Variants in CCSER1 observed in about 807,000 individuals in gnomAD.
CCSER1 encodes the protein serine-rich coiled-coil domain-containing protein 1.
Under a neutral mutation model 82.0 loss-of-function variants are expected in CCSER1, and 41 were observed. The observed-to-expected ratio is 0.50, with a 90% confidence interval of 0.39 to 0.65. The LOEUF (loss-of-function observed/expected upper bound fraction) is 0.65. CCSER1 is among the 30% of genes least tolerant of loss of function. The pLI is 0.00. For missense variants in CCSER1, 1,119 were observed against 1,064.2 expected (o/e 1.05, Z -0.72); for synonymous variants, 414 against 383.9 (o/e 1.08, Z -0.92).
chr4:91,585,373 CA>C (rs1485872693), intron 10 of CCSER1, among the ~76,000 whole-genome samples: 1 of 151,352 alleles, frequency 6.6e-6, no homozygotes, highest in East Asian at 1.9e-4. Context: ...TCATCTTCAA[CA>C]AATGTTTGTC....
At chr4:91,194,028 G>A (rs1308941544) in intron 10 of CCSER1, among the ~76,000 whole-genome samples, 3 of 152,112 alleles carry the variant, frequency 2.0e-5, no homozygotes, top group Non-Finnish European at 4.4e-5. Flanking sequence ...GGAGTACAGT[G>A]GCATGATCTC....
intron 10 of CCSER1, among the ~76,000 whole-genome samples, chr4:91,401,482 T>C (rs925070918): frequency 6.6e-6 from 1 of 151,886 alleles, no homozygotes; most frequent in African/African-American, 2.4e-5. Flanking sequence ...ATGTGCCATG[T>C]TGGTGTGCTG....
At chr4:90,593,163 A>T (rs573570106) in intron 5 of CCSER1, among the ~76,000 whole-genome samples, 2 of 152,254 alleles carry the variant, frequency 1.3e-5, no homozygotes, top group Admixed American at 6.6e-5. Context: ...TTTTAATCAC[A>T]TCATAGGAAA....
intron 9 of CCSER1, chr4:90,951,121 A>G (rs1732867160): frequency 6.6e-6 from 1 of 152,124 alleles, no homozygotes; most frequent in African/African-American, 2.4e-5. Context: ...CAGGAGCGTT[A>G]ACGTCATGAA....
At chr4:90,184,133 G>A (rs1560759321) in intron 1 of CCSER1, among the ~76,000 whole-genome samples, 1 of 152,072 alleles carries the variant, frequency 6.6e-6, no homozygotes, top group Non-Finnish European at 1.5e-5. Context: ...AAACCTGTAA[G>A]ACATTTTGCC....
intron 10 of CCSER1, among the ~76,000 whole-genome samples, chr4:91,146,138 A>G (rs931740228): frequency 2.0e-5 from 3 of 152,112 alleles, no homozygotes; most frequent in Admixed American, 1.3e-4. Flanking sequence ...TATTATTTTT[A>G]TGTTCATCTA....
At chr4:91,511,783 C>T (rs1759838439) in intron 10 of CCSER1, among the ~76,000 whole-genome samples, 1 of 152,130 alleles carries the variant, frequency 6.6e-6, no homozygotes, top group Admixed American at 6.6e-5. Flanking sequence ...AAAACAAGCT[C>T]AGGACTCCCA....
At chr4:91,199,014 G>C (rs1735688483) in intron 10 of CCSER1, among the ~76,000 whole-genome samples, 1 of 152,072 alleles carries the variant, frequency 6.6e-6, no homozygotes, top group South Asian at 2.1e-4. Context: ...AGCATCTCCA[G>C]TCTCACAGCC....
chr4:91,336,339 A>G (rs1166271896), intron 10 of CCSER1, among the ~76,000 whole-genome samples: 2 of 152,128 alleles, frequency 1.3e-5, no homozygotes, highest in African/African-American at 4.8e-5. Flanking sequence ...AGCTTCAAGT[A>G]TTTAATATTC....
chr4:90,198,751 G>C (rs183283498), intron 1 of CCSER1, among the ~76,000 whole-genome samples: 5 of 152,042 alleles, frequency 3.3e-5, no homozygotes, highest in Non-Finnish European at 5.9e-5. Flanking sequence ...AAACCCATCC[G>C]TCCAAAAAGA....
chr4:90,779,239 T>C (rs1398984381), intron 7 of CCSER1, among the ~76,000 whole-genome samples: 2 of 152,210 alleles, frequency 1.3e-5, no homozygotes, highest in East Asian at 3.8e-4. Flanking sequence ...ATCTTTTATT[T>C]CTTTGAAATT....
intron 10 of CCSER1, among the ~76,000 whole-genome samples, chr4:91,306,055 GTGTT>G (rs1315207996): frequency 3.2e-5 from 4 of 125,854 alleles, no homozygotes; most frequent in Admixed American, 8.2e-5. Flanking sequence ...CCATATCAGT[GTGTT>G]TGTGTGTGTG....
intron 6 of CCSER1, among the ~76,000 whole-genome samples, chr4:90,714,730 A>G (rs911460619): frequency 1.3e-5 from 2 of 152,036 alleles, no homozygotes; most frequent in Admixed American, 6.6e-5. Context: ...GTTTTCTAAA[A>G]TCGAAGCAAA....
At chr4:90,866,158 A>G (rs1379231564) in intron 8 of CCSER1, among the ~76,000 whole-genome samples, 4 of 151,856 alleles carry the variant, frequency 2.6e-5, no homozygotes, top group Non-Finnish European at 5.9e-5. Context: ...GGCAACAGAG[A>G]TGCAAACCAT....
chr4:91,318,502 G>A (rs1037784416), intron 10 of CCSER1, among the ~76,000 whole-genome samples: 1 of 151,834 alleles, frequency 6.6e-6, no homozygotes, highest in Non-Finnish European at 1.5e-5. Context: ...GTACAACCTG[G>A]GAGAAAGAAA....
At chr4:90,595,776 A>G (rs1423630025) in intron 5 of CCSER1, among the ~76,000 whole-genome samples, 1 of 151,930 alleles carries the variant, frequency 6.6e-6, no homozygotes, top group African/African-American at 2.4e-5. Context: ...TTAAACTGAA[A>G]CATTCATTTT....
chr4:90,514,798 T>G (rs113996922), intron 5 of CCSER1, among the ~76,000 whole-genome samples: 2 of 151,654 alleles, frequency 1.3e-5, no homozygotes, highest in Admixed American at 1.3e-4. Context: ...TATAATAATA[T>G]ATATGATTAC....
At chr4:91,022,972 C>T (rs1256425735) in intron 9 of CCSER1, among the ~76,000 whole-genome samples, 3 of 152,118 alleles carry the variant, frequency 2.0e-5, no homozygotes, top group Non-Finnish European at 4.4e-5. Context: ...CCTATTCACT[C>T]TGATGGTAGT....
At chr4:90,440,498 T>C (rs1397057812) in intron 4 of CCSER1, among the ~76,000 whole-genome samples, 5 of 152,166 alleles carry the variant, frequency 3.3e-5, no homozygotes, top group African/African-American at 9.7e-5. Context: ...GATTACATAA[T>C]TGTTTTGAGA....
Sources: allele counts gnomAD v4.1 joint callset (sites outside exome capture counted in the v4.1 genomes callset), GRCh38; gene constraint gnomAD v4.1.1; transcripts MANE v1.5; gene names NCBI Gene and HGNC (gene_info 2026-07-23, HGNC 2026-07-21).